The following KALRN variants were observed in gnomAD, a reference collection of about 807,000 sequenced individuals.
KALRN encodes the protein kalirin RhoGEF kinase, also known as kalirin.
Under a neutral mutation model 353.7 loss-of-function variants are expected in KALRN, and 70 were observed. The observed-to-expected ratio is 0.20, with a 90% confidence interval of 0.16 to 0.24. The LOEUF (loss-of-function observed/expected upper bound fraction) is 0.24. KALRN is among the 10% of genes least tolerant of loss of function. The pLI is 1.00. For missense variants in KALRN, 2,791 were observed against 3,756.7 expected, an observed-to-expected ratio of 0.74 and a Z score of 6.72; for synonymous variants, 1,391 against 1,434.8, an observed-to-expected ratio of 0.97 and a Z score of 0.69.
chr3:124,504,253 G>GAAGGAAAGGAACCTTAGA (rs1263269869), intron 33 of KALRN, among the ~76,000 whole-genome samples: 2 of 152,006 alleles, frequency 1.3e-5, no homozygotes, highest in African/African-American at 4.8e-5. Context: ...GGAATCTTAG[G>GAAGGAAAGGAACCTTAGA]AAGGAAAGGA....
At chr3:124,153,539 C>T (rs1041846966) in intron 1 of KALRN, among the ~76,000 whole-genome samples, 106 of 150,380 alleles carry the variant, frequency 7.0e-4, no homozygotes, top group African/African-American at 2.5e-3. Flanking sequence ...TGGGTTGGTT[C>T]CAAGTCTTTG....
At chr3:124,678,870 C>CA (rs2087490614) in intron 50 of KALRN, among the ~76,000 whole-genome samples, 1 of 152,090 alleles carries the variant, frequency 6.6e-6, no homozygotes, top group African/African-American at 2.4e-5. Flanking sequence ...TTAAATAATC[C>CA]ATCTACTACT....
chr3:124,166,290 T>TG (rs935113834), intron 1 of KALRN, among the ~76,000 whole-genome samples: 5 of 152,154 alleles, frequency 3.3e-5, no homozygotes, highest in Admixed American at 2.6e-4. Flanking sequence ...CTTTGTTTAG[T>TG]GGGGGCTTAA....
At chr3:124,314,140 C>T (rs1381145745) in intron 6 of KALRN, among the ~76,000 whole-genome samples, 1 of 151,964 alleles carries the variant, frequency 6.6e-6, no homozygotes, top group African/African-American at 2.4e-5. Flanking sequence ...GAAAATGTGG[C>T]ACATATACAC....
At chr3:124,219,451 C>T (rs1404523445) in intron 1 of KALRN, among the ~76,000 whole-genome samples, 3 of 152,202 alleles carry the variant, frequency 2.0e-5, no homozygotes, top group African/African-American at 7.2e-5. Context: ...GTAGACATTG[C>T]TTTTCTCCAG....
chr3:124,367,086 T>C (rs1216914653), intron 10 of KALRN, among the ~76,000 whole-genome samples: 147 of 70,920 alleles, frequency 2.1e-3, no homozygotes, highest in East Asian at 5.2e-3. Context: ...CCCTCCCGGA[T>C]GGGGTGGCTG....
chr3:124,308,355 A>G (rs940087031), intron 6 of KALRN, among the ~76,000 whole-genome samples: 1 of 152,056 alleles, frequency 6.6e-6, no homozygotes, highest in Non-Finnish European at 1.5e-5. Flanking sequence ...TCCATCCAAC[A>G]ATAGCAGACT....
intron 33 of KALRN, among the ~76,000 whole-genome samples, chr3:124,539,811 G>A (rs1003868285): frequency 6.6e-6 from 1 of 151,782 alleles, no homozygotes; most frequent in African/African-American, 2.4e-5. Context: ...CCAGGCTGGA[G>A]TGCAGTGGTG....
intron 34 of KALRN, among the ~76,000 whole-genome samples, chr3:124,593,760 A>G (rs1189311739): frequency 6.6e-6 from 1 of 152,244 alleles, no homozygotes; most frequent in Non-Finnish European, 1.5e-5. Context: ...TATGTCTTCC[A>G]CGAGCTTAAC....
At chr3:124,628,500 T>G (rs1005696707) in intron 34 of KALRN, among the ~76,000 whole-genome samples, 1 of 51,272 alleles carries the variant, frequency 2.0e-5, no homozygotes, top group African/African-American at 5.3e-5. Context: ...TCCCTTCCCT[T>G]CCTTCCCTTC....
At chr3:124,478,397 G>T (rs1016814133) in intron 27 of KALRN, among the ~76,000 whole-genome samples, 4 of 152,204 alleles carry the variant, frequency 2.6e-5, no homozygotes, top group African/African-American at 7.2e-5. Flanking sequence ...GTGTGCAAAA[G>T]AAACCTTCCC....
chr3:124,325,192 A>C (rs2079758614), intron 6 of KALRN, among the ~76,000 whole-genome samples: 1 of 152,240 alleles, frequency 6.6e-6, no homozygotes, highest in Admixed American at 6.5e-5. Flanking sequence ...AAACAAAACA[A>C]GTAAACAAAA....
intron 1 of KALRN, among the ~76,000 whole-genome samples, chr3:124,115,593 C>T (rs1467341806): frequency 6.6e-6 from 1 of 152,156 alleles, no homozygotes; most frequent in Non-Finnish European, 1.5e-5. Context: ...GCTGCCCTTC[C>T]TGGGTGTTGA....
chr3:124,673,230 TAAA>T lies in KALRN; in HGVS notation c.6943-1121_6943-1119del, dbSNP rs11318691. 7.4e-4 allele frequency among the ~76,000 whole-genome samples: 109 copies of T among 148,224 alleles called. 1 individual carries two copies. The highest frequency in any genetic ancestry group is 2.8e-3 in the Admixed American group (42 of 14,952). The stretch of plus-strand genomic sequence containing the variant: ...CAAGAACTCATCTCTAATAAAACTT[TAAA>T]AAAAAAAAAAAATTAGCCAGGCACG... On this transcript the variant is annotated intron_variant, in intron 48 of 59. Transcript: ENST00000682506.
intron 1 of KALRN, among the ~76,000 whole-genome samples, chr3:124,036,171 A>G (rs984557734): frequency 7.2e-5 from 11 of 152,166 alleles, no homozygotes; most frequent in African/African-American, 2.2e-4. Flanking sequence ...CTTGGTAATA[A>G]GCATAGTACC....
intron 3 of KALRN, among the ~76,000 whole-genome samples, chr3:124,250,680 G>A (rs1037342648): frequency 1.6e-4 from 24 of 152,142 alleles, no homozygotes; most frequent in Non-Finnish European, 2.2e-4. Flanking sequence ...AGTGGGGAGC[G>A]GGAAAGAAGG....
intron 41 of KALRN, 31 bp from the exon 42 acceptor site, chr3:124,658,400 A>G (rs1408291393): frequency 2.0e-6 from 3 of 1,529,860 alleles, no homozygotes; most frequent in Non-Finnish European, 2.7e-6. Context: ...AAGATGCCTG[A>G]CTGTCCACAT....
At chr3:124,512,125 AGT>A (rs1017230976) in intron 33 of KALRN, among the ~76,000 whole-genome samples, 2 of 152,214 alleles carry the variant, frequency 1.3e-5, no homozygotes, top group Admixed American at 1.3e-4. Context: ...TGTGTTCCTC[AGT>A]GTGTTTCCCA....
intron 25 of KALRN, 74 bp from the exon 26 acceptor site, chr3:124,474,589 G>GCTGGC: frequency 1.8e-6 from 2 of 1,131,226 alleles, no homozygotes; most frequent in Non-Finnish European, 2.7e-6. Flanking sequence ...TTATGGTTGT[G>GCTGGC]CTGGCCTCAG....
Sources: allele counts gnomAD v4.1 joint callset (sites outside exome capture counted in the v4.1 genomes callset), GRCh38; gene constraint gnomAD v4.1.1; transcripts MANE v1.5; gene names NCBI Gene and HGNC (gene_info 2026-07-23, HGNC 2026-07-21).